Variants in THRA observed in about 807,000 individuals in gnomAD.
THRA encodes EAR-7.
Under a neutral mutation model 45.0 loss-of-function variants are expected in THRA, and 13 were observed. The ratio of observed to expected loss-of-function variants is 0.29; its 90% CI spans 0.19 to 0.46. The LOEUF (loss-of-function observed/expected upper bound fraction) is 0.46, where lower values mean the gene tolerates loss of function less well. THRA is among the 20% of genes least tolerant of loss of function. The probability of loss-of-function intolerance (pLI) is 1.00; values close to 1 mark genes in which losing one functional copy is unlikely to be tolerated. For missense variants in THRA, 278 were observed against 556.1 expected (o/e 0.50, Z 5.03); for synonymous variants, 195 against 214.0 (o/e 0.91, Z 0.78).
At chr17:40,088,176 C>T in intron 7 of THRA, 66 bp from the exon 8 acceptor site, 1 of 1,537,634 alleles carries the variant, frequency 6.5e-7, no homozygotes, top group Non-Finnish European at 8.8e-7. Context: ...GTAGGACACT[C>T]TAGGGGAGAC....
Position 40,092,820 on chromosome 17 carries a change from A to C in THRA, c.*3364A>C. The C allele has an allele frequency of 1.3e-6, 1 of 755,730 alleles. No individual in the cohort carries two copies. Among genetic ancestry groups the C allele is most frequent in the Non-Finnish European group, 2.0e-6 (1 of 491,112 alleles). The allele number at this position is 755,730 out of a possible 1,614,324, so 46.8% of individuals were successfully genotyped here. ...AGCTGTGAACTATTGGATTTGAGAC[A>C]GGAACAGAACAAATCAGAGGGCCAG... On this transcript the variant is annotated 3_prime_UTR_variant, in exon 9 of 9. Coordinates refer to ENST00000450525, the MANE Select transcript of THRA (RefSeq NM_199334.5).
chr17:40,062,844 G>C (rs1358249425), upstream of THRA: 3 of 146,858 alleles, frequency 2.0e-5, no homozygotes, highest in Admixed American at 1.4e-4. Flanking sequence ...CGAGCCGGCC[G>C]GGCGCGCCGA....
Position 40,089,366 on chromosome 17 carries a change from C to T in THRA, c.1143C>T (p.His381=), listed in dbSNP as rs373503645. The change falls in exon 9 of 9, where the codon CAC becomes CAT. Residue 381 remains histidine, a synonymous_variant. Transcript: ENST00000450525. This position sits in a 1 kb window ranked among gnomAD's most constrained non-coding sequence, Gnocchi z 6.1. ...VTDLRMIGAC[H]ASRFLHMKVE... ...ACCTCCGCATGATCGGGGCCTGCCA[C>T]GCCAGCCGCTTCCTCCACATGAAAG... is the stretch of plus-strand genomic sequence containing the variant. The T allele has an allele frequency of 1.5e-5, 24 of 1,614,184 alleles. No homozygotes were observed. Among genetic ancestry groups the T allele is most frequent in the East Asian group, 6.7e-5 (3 of 44,868 alleles).
intron 5 of THRA, 33 bp downstream of exon 5, chr17:40,084,015 G>A: frequency 6.3e-7 from 1 of 1,581,224 alleles, no homozygotes; most frequent in South Asian, 1.2e-5. Context: ...ATAGAGCCAG[G>A]TGGCCTGGGG....
chr17:40,084,312 G>C, intron 5 of THRA: 1 of 509,610 alleles, frequency 2.0e-6, no homozygotes, highest in Non-Finnish European at 3.5e-6. Flanking sequence ...ATGAGACAGG[G>C]CATCTTCCAT....
rs943707005 is a variant in THRA at position 40,091,236 on chromosome 17, A to G, written c.*1780A>G. 3 of 71,960 alleles carry G rather than the reference A, an allele frequency of 4.2e-5. No homozygotes were observed. Among genetic ancestry groups the G allele is most frequent in the Non-Finnish European group, 9.9e-5 (3 of 30,280 alleles). 4.5% of individuals were successfully genotyped at this position (71,960 alleles called of 1,614,324 possible). Reference sequence around the variant, plus strand: ...CTCAGCCTGCCACAGCCCCCTACACACACACACACACACACACACACACAC... The same window carrying G: ...CTCAGCCTGCCACAGCCCCCTACACGCACACACACACACACACACACACAC... On this transcript the variant is annotated 3_prime_UTR_variant, in exon 9 of 9. Transcript: ENST00000450525.
intron 1 of THRA, among the ~76,000 whole-genome samples, chr17:40,065,719 T>G (rs1258982225): frequency 6.7e-6 from 1 of 149,926 alleles, no homozygotes; most frequent in African/African-American, 2.4e-5. Flanking sequence ...CTTCCTGCAC[T>G]TCCTTAGTGC....
At position 40,074,167 on chromosome 17, in the gene THRA, C is replaced by T. The variant is rs1598391017; in HGVS notation, c.-297-25C>T. On this transcript the variant is annotated intron_variant, in intron 1 of 8. Transcript: ENST00000450525. The stretch of plus-strand genomic sequence containing the variant: ...CCTTCCTACCGTGACACCTTCTTAC[C>T]CCTGCCTCTCTCTTCTCTCCACAGG... 5 of 349,012 alleles carry T rather than the reference C, an allele frequency of 1.4e-5. No individual in the cohort carries two copies. The East Asian group carries it at 2.9e-4, about 20-fold the overall frequency. The allele number at this position is 349,012 out of a possible 1,614,324, so 21.6% of individuals were successfully genotyped here. A position where few individuals can be genotyped will look rare whatever the true frequency, so the allele number is the denominator to read the frequency against.
chr17:40,066,224 G>A (rs2145039599), intron 1 of THRA, among the ~76,000 whole-genome samples: 1 of 152,298 alleles, frequency 6.6e-6, no homozygotes, highest in East Asian at 1.9e-4. Flanking sequence ...GAGACATCGA[G>A]CCCGGGGGCA....
intron 8 of THRA, 103 bp downstream of exon 8, chr17:40,088,603 G>A: frequency 7.0e-7 from 1 of 1,431,554 alleles, no homozygotes; most frequent in Non-Finnish European, 9.5e-7. Flanking sequence ...CTTCTTCTGG[G>A]CTACCTCTCT....
In THRA at chr17:40,091,744, G is replaced by A. The variant is rs939064047; in HGVS notation, c.*2288G>A. The A allele has an allele frequency of 6.6e-6, 1 of 152,200 alleles. No homozygotes were observed. The highest frequency in any genetic ancestry group is 1.5e-5 in the Non-Finnish European group (1 of 68,146). 9.4% of individuals were successfully genotyped at this position (152,200 alleles called of 1,614,324 possible). A position where few individuals can be genotyped will look rare whatever the true frequency, so the allele number is the denominator to read the frequency against. On this transcript the variant is annotated 3_prime_UTR_variant, in exon 9 of 9. Transcript: ENST00000450525. The stretch of plus-strand genomic sequence containing the variant: ...TCCCCGGACCCCTCCCTTCCCCCTC[G>A]GTGATGTGGGGTGTATGTGTGCGTT...
Position 40,077,255 on chromosome 17 carries a change from T to A in THRA, c.122-253T>A, listed in dbSNP as rs562128753. On this transcript the variant is annotated intron_variant, in intron 3 of 8. Coordinates refer to ENST00000450525, the MANE Select transcript of THRA (RefSeq NM_199334.5). The stretch of plus-strand genomic sequence containing the variant: ...TGAGCAGCTGACGTTTATTTTTCCC[T>A]CTCCACCATCCTCTGCCTTGTAGAT... Among the ~76,000 whole-genome samples, 7 of 152,240 alleles carry A rather than the reference T, an allele frequency of 4.6e-5. No individual in the cohort carries two copies. The South Asian group carries it at 1.4e-3, about 32-fold the overall frequency.
intron 4 of THRA, among the ~76,000 whole-genome samples, chr17:40,078,825 G>A (rs1407944554): frequency 2.1e-5 from 3 of 145,624 alleles, no homozygotes; most frequent in African/African-American, 7.6e-5. Flanking sequence ...TTCGCCTCCC[G>A]GGTTCAAGCG....
rs868620696 is a variant in THRA at position 40,074,492 on chromosome 17, G to A, written c.4G>A (p.Glu2Lys). Residue 2 changes from glutamate (E) to lysine (K), a missense_variant, in exon 2 of 9, where the codon GAA (glutamate) becomes AAA (lysine). Coordinates refer to ENST00000450525, the MANE Select transcript of THRA (RefSeq NM_199334.5). MEQKPSKVECGS... is the reference protein window; with the variant it reads MKQKPSKVECGS... Reference sequence around the variant, plus strand: ...ATCCTGGATGGAATTGAAGTGAATGGAACAGAAGCCAAGCAAGGTGGAGTG... The same window carrying A: ...ATCCTGGATGGAATTGAAGTGAATGAAACAGAAGCCAAGCAAGGTGGAGTG... The A allele has an allele frequency of 6.2e-7, 1 of 1,614,096 alleles. No individual in the cohort carries two copies. The highest frequency in any genetic ancestry group is 8.5e-7 in the Non-Finnish European group (1 of 1,179,966).
At chr17:40,087,086 A>G (rs1178903436) in intron 7 of THRA, 3 of 552,766 alleles carry the variant, frequency 5.4e-6, no homozygotes, top group East Asian at 3.2e-5. Context: ...GCATACAGAT[A>G]CGTACACAGA....
chr17:40,086,323 T>C (rs1987318751), intron 6 of THRA, among the ~76,000 whole-genome samples: 1 of 152,212 alleles, frequency 6.6e-6, no homozygotes, highest in Admixed American at 6.5e-5. Context: ...GCTGGTCATA[T>C]GACTTTAACC....
intron 1 of THRA, among the ~76,000 whole-genome samples, chr17:40,068,561 C>T (rs1200392537): frequency 6.6e-6 from 1 of 152,198 alleles, no homozygotes; most frequent in Non-Finnish European, 1.5e-5. Context: ...GAGGGAGGGT[C>T]AGAAGTTTGC....
At chr17:40,087,545 C>G (rs1488673551) in intron 7 of THRA, among the ~76,000 whole-genome samples, 3 of 152,156 alleles carry the variant, frequency 2.0e-5, no homozygotes, top group Non-Finnish European at 4.4e-5. Context: ...TCAGCCGGCT[C>G]CAAGTGCTCC....
rs557984583 is a variant in THRA, at chr17:40,082,354, A to G, written c.223-1481A>G. Among the ~76,000 whole-genome samples the G allele has an allele frequency of 5.9e-5, 9 of 151,758 alleles. 1 individual carries two copies. Among genetic ancestry groups the G allele is most frequent in the African/African-American group, 2.2e-4 (9 of 41,424 alleles). ...CTCAGCCTCCCAAGTAGCTGGGATTACAGGCATGTGCCACCATTCCCGGCT... is the reference window on the plus strand; with the variant it reads ...CTCAGCCTCCCAAGTAGCTGGGATTGCAGGCATGTGCCACCATTCCCGGCT... On this transcript the variant is annotated intron_variant, in intron 4 of 8. Coordinates refer to ENST00000450525, the MANE Select transcript of THRA (RefSeq NM_199334.5).
Sources: allele counts gnomAD v4.1 joint callset (sites outside exome capture counted in the v4.1 genomes callset), GRCh38; gene constraint gnomAD v4.1.1; non-coding constraint Gnocchi (gnomAD v3.1); transcripts MANE v1.5; gene names NCBI Gene and HGNC (gene_info 2026-07-23, HGNC 2026-07-21).